HEATR1: variants seen among roughly 807,000 people sequenced by gnomAD.
HEATR1 encodes the protein HEAT repeat containing 1.
Under a neutral mutation model 248.2 loss-of-function variants are expected in HEATR1, and 77 were observed. The ratio of observed to expected loss-of-function variants is 0.31; its 90% CI spans 0.26 to 0.37. The LOEUF (loss-of-function observed/expected upper bound fraction) is 0.37. Among genes scored for constraint, HEATR1 ranks in the 10% least tolerant of loss-of-function variants. The pLI is 1.00. For missense variants in HEATR1, 2,420 were observed against 2,504.9 expected, an observed-to-expected ratio of 0.97 and a Z score of 0.72; for synonymous variants, 897 against 923.1, an observed-to-expected ratio of 0.97 and a Z score of 0.51.
Position 236,576,770 on chromosome 1 carries a change from A to C in HEATR1, c.2925+10T>G. On this transcript the variant is annotated intron_variant, in intron 21 of 44. Transcript: ENST00000366582. ...TGAACACACTCAATCTTCTTTGCTA[A>C]CGAGCTTACCTGAATAACATAGGCA... 6.2e-7 allele frequency: 1 copy of C among 1,602,832 alleles called. No homozygotes were observed. The highest frequency in any genetic ancestry group is 8.5e-7 in the Non-Finnish European group (1 of 1,174,402).
intron 29 of HEATR1, among the ~76,000 whole-genome samples, chr1:236,567,481 T>C (rs1654196065): frequency 6.6e-6 from 1 of 152,150 alleles, no homozygotes; most frequent in African/African-American, 2.4e-5. Flanking sequence ...GAGGCCAAGC[T>C]GGGCAGATCA....
In HEATR1 at chr1:236,603,233, A is replaced by C. The variant is rs1452313605; in HGVS notation, c.286T>G (p.Leu96Val). ...TAAGGCGACAAGTGAATAAGGAATA[A>C]TGAAATGTTTTCATCCAACTGTTTG... is the stretch of plus-strand genomic sequence containing the variant. ...VNKQLDENIS[L>V]FLIHLSPYFL... Residue 96 changes from leucine (L) to valine (V), a missense_variant, in exon 3 of 45, where the codon TTA (leucine) becomes GTA (valine). By Grantham distance (32) the Leu-to-Val change is conservative. Transcript: ENST00000366582. 6.2e-7 allele frequency: 1 copy of C among 1,614,186 alleles called. No homozygotes were observed. Among genetic ancestry groups the C allele is most frequent in the East Asian group, 2.2e-5 (1 of 44,868 alleles).
Position 236,599,659 on chromosome 1 carries a change from A to G in HEATR1, c.360-35T>C, listed in dbSNP as rs548208676. 9.0e-6 allele frequency: 14 copies of G among 1,558,826 alleles called. No homozygotes were observed. In the African/African-American group the frequency reaches 1.9e-4, roughly 21 times the overall value. ...AAAAGCAAACAGTCCAACTGAACAC[A>G]AAACTTAATAATAAGCACCTATTTC... On this transcript the variant is annotated intron_variant, in intron 3 of 44. Transcript: ENST00000366582.
Position 236,594,036 on chromosome 1 carries a change from T to C in HEATR1, c.1169A>G (p.Asn390Ser). 1 of 1,597,664 alleles carries C rather than the reference T, an allele frequency of 6.3e-7. No individual in the cohort carries two copies. ...CCTAGCCAACAAATGGTCTAAGTTG[T>C]TCTTCAGTGATATTTTTGTAAGTAT... ...EAILTKISLK[N>S]NLDHLLASLL... Residue 390 changes from asparagine (N) to serine (S), a missense_variant, in exon 9 of 45, where the codon AAC (asparagine) becomes AGC (serine). Transcript: ENST00000366582.
intron 12 of HEATR1, among the ~76,000 whole-genome samples, chr1:236,589,104 T>C (rs572162327): frequency 1.3e-4 from 20 of 152,232 alleles, no homozygotes; most frequent in South Asian, 2.1e-4. Flanking sequence ...AAGTTGAATG[T>C]ATGCAGGGCC....
chr1:236,555,107 T>C (rs1480524740), intron 41 of HEATR1, among the ~76,000 whole-genome samples, 189 bp downstream of exon 41: 1 of 152,198 alleles, frequency 6.6e-6, no homozygotes, highest in Non-Finnish European at 1.5e-5. Flanking sequence ...AGGTGACTTA[T>C]AACATTCGCT....
At chr1:236,578,708 A>G (rs769581401) in intron 20 of HEATR1, among the ~76,000 whole-genome samples, 1 of 152,180 alleles carries the variant, frequency 6.6e-6, no homozygotes, top group Non-Finnish European at 1.5e-5. Flanking sequence ...TTTTTACATA[A>G]TATTATTCAA....
intron 28 of HEATR1, among the ~76,000 whole-genome samples, chr1:236,570,475 G>GAC (rs1260464985): frequency 6.6e-6 from 1 of 152,136 alleles, no homozygotes; most frequent in Non-Finnish European, 1.5e-5. Context: ...TGCTGGTGGT[G>GAC]ACGGTGGCAG....
intron 3 of HEATR1, among the ~76,000 whole-genome samples, chr1:236,602,382 A>T (rs1664348895): frequency 6.6e-6 from 1 of 152,232 alleles, no homozygotes; most frequent in South Asian, 2.1e-4. Flanking sequence ...TAATACAAAT[A>T]ATCTCACCAG....
At position 236,596,847 on chromosome 1, in the gene HEATR1, A is replaced by G. The variant is rs143920214; in HGVS notation, c.733T>C (p.Tyr245His). Residue 245 changes from tyrosine to histidine, a missense_variant, in exon 6 of 45, where the codon TAT becomes CAT. By Grantham distance (83) the Tyr-to-His change is moderately conservative (BLOSUM62 2). Transcript: ENST00000366582. ...SDNIIAKLFP[Y>H]IQKGLKSSLP... ...TCAGCAGTGCCAACCTTTTGGATAT[A>G]GGGAAATAGTTTGGCGATGATATTG... The G allele has an allele frequency of 6.2e-7, 1 of 1,612,596 alleles. No homozygotes were observed. Among genetic ancestry groups the G allele is most frequent in the Non-Finnish European group, 8.5e-7 (1 of 1,179,500 alleles).
intron 10 of HEATR1, 135 bp downstream of exon 10, chr1:236,592,388 T>C (rs1450919656): frequency 1.6e-6 from 1 of 610,640 alleles, no homozygotes; most frequent in Non-Finnish European, 3.0e-6. Context: ...ATTCCGATAC[T>C]CGCCCCTTCT....
Position 236,585,082 on chromosome 1 carries a change from T to G in HEATR1, c.2184A>C (p.Arg728Ser), listed in dbSNP as rs1178534317. The G allele has an allele frequency of 1.2e-6, 2 of 1,614,032 alleles. No individual in the cohort carries two copies. The highest frequency in any genetic ancestry group is 1.7e-6 in the Non-Finnish European group (2 of 1,179,928). Residue 728 changes from arginine (R) to serine (S), a missense_variant, in exon 17 of 45, where the codon AGA becomes AGC. Transcript: ENST00000366582. ...LKETHFPFAI[R>S]VFSLLQKKIK... ...TTTTTTTCTGCAACAAACTGAAGAC[T>G]CTTATCGCAAATGGAAAGTGGGTTT...
rs781420901 is a variant in HEATR1, at chr1:236,582,779, G to A, written c.2519C>T (p.Ala840Val). 3 of 1,614,000 alleles carry A rather than the reference G, an allele frequency of 1.9e-6. No homozygotes were observed. The highest frequency in any genetic ancestry group is 2.7e-5 in the African/African-American group (2 of 74,908). Residue 840 changes from alanine to valine, a missense_variant, in exon 19 of 45, where the codon GCC (alanine) becomes GTC (valine). Ala to Val is a moderately conservative substitution (Grantham distance 64). Transcript: ENST00000366582. ...CAGAACTCTGAAATGAACAGCATCG[G>A]CACCATTGAGCATCATCTCAAACAG... ...IGLFEMMLNG[A>V]DAVHFRVLMK... is the part of the protein sequence containing the mutation.
intron 16 of HEATR1, 73 bp from the exon 17 acceptor site, chr1:236,585,289 T>C: frequency 7.9e-7 from 1 of 1,261,686 alleles, no homozygotes; most frequent in South Asian, 1.5e-5. Flanking sequence ...CTCAGGTCTA[T>C]CTAGGTATTA....
intron 43 of HEATR1, 27 bp from the exon 44 acceptor site, chr1:236,552,134 TA>T (rs758937451): frequency 6.6e-5 from 93 of 1,408,880 alleles, no homozygotes; most frequent in African/African-American, 5.6e-4. Flanking sequence ...AGCAAAGAAA[TA>T]AAAAGTAGTG....
chr1:236,584,994 T>C (rs188285792), intron 17 of HEATR1, 31 bp downstream of exon 17: 4 of 1,579,910 alleles, frequency 2.5e-6, no homozygotes, highest in Non-Finnish European at 2.6e-6. Context: ...TTATTCAACA[T>C]CCCACTTTCT....
In HEATR1 at chr1:236,556,294, C is replaced by T. The variant is rs562560731; in HGVS notation, c.5356-36G>A. 2.5e-6 allele frequency: 4 copies of T among 1,605,718 alleles called. 1 individual carries two copies. In the African/African-American group the frequency reaches 5.3e-5, roughly 21 times the overall value. On this transcript the variant is annotated intron_variant, in intron 37 of 44. Coordinates refer to ENST00000366582, the MANE Select transcript of HEATR1 (RefSeq NM_018072.6). ...ATAAAAAAAGTGATCAGGGCCACTG[C>T]AGATCTTCGCTGACAAACACACACT...
chr1:236,581,525 G>T, intron 19 of HEATR1, 111 bp from the exon 20 acceptor site: 1 of 727,392 alleles, frequency 1.4e-6, no homozygotes. Flanking sequence ...TTAAGGCAAA[G>T]TTTTGCTTTG....
intron 31 of HEATR1, among the ~76,000 whole-genome samples, chr1:236,565,033 G>T (rs2564746): frequency 0.63 from 95,005 of 151,984 alleles, 31,386 homozygotes; most frequent in Non-Finnish European, 0.73. Context: ...AAAACCACTA[G>T]CCTATAGAAT....
Sources: gnomAD v4.1 joint callset for allele counts (sites outside exome capture counted in the v4.1 genomes callset) on GRCh38, gnomAD v4.1.1 for gene constraint, MANE v1.5 for transcripts, NCBI Gene and HGNC (gene_info 2026-07-23, HGNC 2026-07-21) for gene names.